Variants in EPHB2 observed in about 807,000 individuals in gnomAD.
EPHB2 encodes EPH receptor B2.
EPHB2 carries 18 observed loss-of-function variants against 96.4 expected under a neutral mutation model. The ratio of observed to expected loss-of-function variants is 0.19; its 90% CI spans 0.13 to 0.28. The LOEUF is 0.28. EPHB2 is among the 10% of genes least tolerant of loss of function. The pLI, the probability that EPHB2 is intolerant of heterozygous loss-of-function variation, is 1.00. For missense variants in EPHB2, 989 were observed against 1,355.4 expected (o/e 0.73, Z 4.25); for synonymous variants, 506 against 534.1 (o/e 0.95, Z 0.72).
Position 22,784,629 on chromosome 1 carries a change from T to C in EPHB2, c.364T>C (p.Ser122Pro), listed in dbSNP as rs1402215618. 1 of 1,613,956 alleles carries C rather than the reference T, an allele frequency of 6.2e-7. No individual in the cohort carries two copies. Among genetic ancestry groups the C allele is most frequent in the Admixed American group, 1.7e-5 (1 of 60,010 alleles). Residue 122 changes from serine (S) to proline (P), a missense_variant, in exon 3 of 16, where the codon TCG (serine) becomes CCG (proline). Transcript: ENST00000374630. This position sits in a 1 kb window ranked among gnomAD's most constrained non-coding sequence, Gnocchi z 5.1. ...NLYYYEADFD[S>P]ATKTFPNWME... is the part of the protein sequence containing the mutation. ...CTATTACTATGAGGCTGACTTTGAC[T>C]CGGCCACCAAGACCTTCCCCAACTG...
chr1:22,862,457 A>G (rs911714287), intron 3 of EPHB2, among the ~76,000 whole-genome samples: 1 of 152,264 alleles, frequency 6.6e-6, no homozygotes, highest in African/African-American at 2.4e-5. Context: ...TTTACAAATA[A>G]GAAAACTGAG....
At position 22,890,647 on chromosome 1, in the gene EPHB2, A is replaced by G. The variant is rs189446371; in HGVS notation, c.1429-2237A>G. Among the ~76,000 whole-genome samples the G allele has an allele frequency of 2.4e-3, 370 of 152,178 alleles. 2 individuals carry two copies. The highest frequency in any genetic ancestry group is 8.3e-3 in the African/African-American group (344 of 41,528). ...ATATGGTTTGGCTGTGTCCCCGCCC[A>G]AATCTCATCTTGAATTGAAGTTCCC... On this transcript the variant is annotated intron_variant, in intron 6 of 15. Coordinates refer to ENST00000374630, the MANE Select transcript of EPHB2 (RefSeq NM_017449.5).
intron 3 of EPHB2, among the ~76,000 whole-genome samples, chr1:22,830,027 G>A (rs186122735): frequency 3.9e-5 from 6 of 152,318 alleles, no homozygotes; most frequent in East Asian, 1.9e-4. Flanking sequence ...ATGGCTGTGC[G>A]AGTTCATGAT....
intron 6 of EPHB2, among the ~76,000 whole-genome samples, chr1:22,886,128 A>C (rs1639216768): frequency 6.6e-6 from 1 of 152,248 alleles, no homozygotes; most frequent in Non-Finnish European, 1.5e-5. Flanking sequence ...AGGGGCCCAC[A>C]GTCCTGGCAT....
chr1:22,901,142 G>A (rs1044997726), intron 9 of EPHB2, among the ~76,000 whole-genome samples: 1 of 152,196 alleles, frequency 6.6e-6, no homozygotes, highest in Non-Finnish European at 1.5e-5. Flanking sequence ...GGACATTAAA[G>A]TGCTTTGGAA....
Position 22,865,096 on chromosome 1 carries a change from G to T in EPHB2, c.1187G>T (p.Ser396Ile). ...CTGACCGAGCCACGCATTTACATCA[G>T]TGACCTGCTGGCCCACACCCAGTAC... is the stretch of plus-strand genomic sequence containing the variant. ...LGLTEPRIYI[S>I]DLLAHTQYTF... Residue 396 changes from serine (S) to isoleucine (I), a missense_variant, in exon 5 of 16, where the codon AGT becomes ATT. By Grantham distance (142) the Ser-to-Ile change is moderately radical (BLOSUM62 -2). Transcript: ENST00000374630. 6.2e-7 allele frequency: 1 copy of T among 1,614,254 alleles called. No homozygotes were observed. The highest frequency in any genetic ancestry group is 1.6e-4 in the Middle Eastern group (1 of 6,062).
chr1:22,744,180 C>A (rs201730949), intron 1 of EPHB2, among the ~76,000 whole-genome samples: 4 of 144,452 alleles, frequency 2.8e-5, no homozygotes, highest in African/African-American at 7.7e-5. Context: ...ATAACCCCCC[C>A]ACCCCCGTGG....
chr1:22,828,413 C>T (rs751197056), intron 3 of EPHB2, among the ~76,000 whole-genome samples: 1 of 152,192 alleles, frequency 6.6e-6, no homozygotes, highest in Non-Finnish European at 1.5e-5. Context: ...CCCCACCTAG[C>T]AGCTCCTGGA....
chr1:22,843,406 T>A (rs1645496773), intron 3 of EPHB2, among the ~76,000 whole-genome samples: 1 of 152,232 alleles, frequency 6.6e-6, no homozygotes, highest in Non-Finnish European at 1.5e-5. Context: ...ATAAATTGCA[T>A]GTCATGGGGA....
intron 2 of EPHB2, among the ~76,000 whole-genome samples, chr1:22,783,467 T>C (rs1287915929): frequency 6.6e-6 from 1 of 152,190 alleles, no homozygotes; most frequent in Non-Finnish European, 1.5e-5. Flanking sequence ...CTGAGTGTAC[T>C]GGGCACTCAC....
intron 3 of EPHB2, among the ~76,000 whole-genome samples, chr1:22,845,307 G>A (rs1019679024): frequency 2.0e-5 from 3 of 152,118 alleles, no homozygotes; most frequent in Admixed American, 6.5e-5. Flanking sequence ...TCTGCCCCAC[G>A]GTAAGCACTA....
rs1378936610 is a variant in EPHB2 at position 22,846,306 on chromosome 1, C to T, written c.812-16731C>T. Among the ~76,000 whole-genome samples the T allele has an allele frequency of 6.6e-6, 1 of 151,736 alleles. No homozygotes were observed. The highest frequency in any genetic ancestry group is 1.9e-4 in the East Asian group (1 of 5,178). ...TGACGTGCGCCTGTAATCCCAGCTA[C>T]TAGGGAGGCTGAGGCAGGAGAATCA... On this transcript the variant is annotated intron_variant, in intron 3 of 15. Transcript: ENST00000374630. This position sits in a 1 kb window ranked among gnomAD's most constrained non-coding sequence, Gnocchi z 4.3.
intron 6 of EPHB2, among the ~76,000 whole-genome samples, chr1:22,887,861 G>A (rs1639274644): frequency 6.6e-6 from 1 of 152,182 alleles, no homozygotes; most frequent in Non-Finnish European, 1.5e-5. Context: ...AGCAAAGGTT[G>A]GAGGATGGGG....
Position 22,908,132 on chromosome 1 carries a change from G to A in EPHB2, c.2316G>A (p.Glu772=). 1 of 1,614,242 alleles carries A rather than the reference G, an allele frequency of 6.2e-7. No individual in the cohort carries two copies. The highest frequency in any genetic ancestry group is 8.5e-7 in the Non-Finnish European group (1 of 1,180,046). The change falls in exon 12 of 16, where the codon GAG becomes GAA. Residue 772 remains glutamate, a synonymous_variant. Transcript: ENST00000374630. Reference sequence around the variant, plus strand: ...ACTTTGGGCTCTCACGCTTTCTAGAGGACGATACCTCAGACCCCACCTACA... The same window carrying A: ...ACTTTGGGCTCTCACGCTTTCTAGAAGACGATACCTCAGACCCCACCTACA... ...VSDFGLSRFL[E]DDTSDPTYTS...
chr1:22,713,756 G>A (rs148349442), intron 1 of EPHB2, among the ~76,000 whole-genome samples: 47 of 152,286 alleles, frequency 3.1e-4, no homozygotes, highest in East Asian at 9.7e-4. Flanking sequence ...TCCTCAGCCC[G>A]TAAAGGGCTG....
At chr1:22,714,191 G>A (rs1411069939) in intron 1 of EPHB2, among the ~76,000 whole-genome samples, 2 of 152,148 alleles carry the variant, frequency 1.3e-5, no homozygotes, top group Non-Finnish European at 2.9e-5. Flanking sequence ...AGCATGATAC[G>A]GGGTCCAACG....
At chr1:22,850,897 A>C (rs1645616520) in intron 3 of EPHB2, among the ~76,000 whole-genome samples, 1 of 152,238 alleles carries the variant, frequency 6.6e-6, no homozygotes, top group Admixed American at 6.5e-5. Context: ...AGTGTGGCTC[A>C]GCTGGAGTGG....
chr1:22,891,893 C>G (rs1254595469), intron 6 of EPHB2, among the ~76,000 whole-genome samples: 1 of 151,630 alleles, frequency 6.6e-6, no homozygotes. Context: ...CTCCCAAGCT[C>G]AAGTGATCCT....
intron 5 of EPHB2, 100 bp from the exon 6 acceptor site, chr1:22,882,259 G>T: frequency 6.3e-7 from 1 of 1,575,618 alleles, no homozygotes; most frequent in South Asian, 1.1e-5. Flanking sequence ...TTCCCTCTCT[G>T]ATCCCACAGT....
Sources: allele counts gnomAD v4.1 joint callset (sites outside exome capture counted in the v4.1 genomes callset), GRCh38; gene constraint gnomAD v4.1.1; non-coding constraint Gnocchi (gnomAD v3.1); transcripts MANE v1.5; gene names NCBI Gene and HGNC (gene_info 2026-07-23, HGNC 2026-07-21).